Variants in PABPC4 observed in about 807,000 individuals in gnomAD.
PABPC4 encodes poly(A) binding protein cytoplasmic 4, also known as polyadenylate-binding protein 4.
A neutral mutation model predicts 74.5 loss-of-function variants in PABPC4; 15 were observed. That is an observed-to-expected ratio of 0.20 (90% CI 0.13 to 0.31). PABPC4 has a LOEUF of 0.31. PABPC4 is among the 10% of genes least tolerant of loss of function. The pLI, the probability that PABPC4 is intolerant of heterozygous loss-of-function variation, is 1.00. For missense variants in PABPC4, 610 were observed against 853.5 expected (o/e 0.71, Z 3.55); for synonymous variants, 345 against 303.0 (o/e 1.14, Z -1.44).
chr1:39,561,991 T>A (rs528277446), intron 14 of PABPC4, 82 bp downstream of exon 14: 1 of 1,514,528 alleles, frequency 6.6e-7, no homozygotes. Flanking sequence ...GATCCCACTT[T>A]CTGCTGCACC....
chr1:39,574,586 T>C (rs1645989853), intron 1 of PABPC4, among the ~76,000 whole-genome samples: 1 of 152,216 alleles, frequency 6.6e-6, no homozygotes, highest in Non-Finnish European at 1.5e-5. Flanking sequence ...CCTATGGCCA[T>C]GGACAGAACT....
In PABPC4 at chr1:39,563,605, G is replaced by C. The variant is rs778856274; in HGVS notation, c.1668+9C>G. 1 of 1,609,856 alleles carries C rather than the reference G, an allele frequency of 6.2e-7. No individual in the cohort carries two copies. The highest frequency in any genetic ancestry group is 1.7e-5 in the Admixed American group (1 of 59,150). ...AATCCTTTTAAGCATTCTGTCTGGT[G>C]AACCTCACCTGCAGAGGCTGTATGG... On this transcript the variant is annotated intron_variant, in intron 12 of 15. Transcript: ENST00000372858.
intron 10 of PABPC4, chr1:39,564,144 A>G (rs1368076179): frequency 1.6e-6 from 1 of 613,302 alleles, no homozygotes; most frequent in Non-Finnish European, 2.8e-6. Flanking sequence ...CACCCCACCC[A>G]AAAGAACAAG....
Position 39,565,169 on chromosome 1 carries a change from G to A in PABPC4, c.1182C>T (p.Ala394=). Residue 394 remains alanine (A), a synonymous_variant, in exon 8 of 16, where the codon GCC becomes GCT. Coordinates refer to ENST00000372858, the MANE Select transcript of PABPC4 (RefSeq NM_001135653.2). ...GCTGGAACTGATTTAAGATGGCATTGGCAGGAAGTGCTCTCATTCCAGCCA... is the reference window on the plus strand; with the variant it reads ...GCTGGAACTGATTTAAGATGGCATTAGCAGGAAGTGCTCTCATTCCAGCCA... ...QRVAGMRALP[A]NAILNQFQPA... 1 of 1,614,146 alleles carries A rather than the reference G, an allele frequency of 6.2e-7. No homozygotes were observed. Among genetic ancestry groups the A allele is most frequent in the Non-Finnish European group, 8.5e-7 (1 of 1,180,022 alleles).
In PABPC4 at chr1:39,565,220, G is replaced by A. The variant is rs753720467; in HGVS notation, c.1131C>T (p.His377=). 6.2e-7 allele frequency: 1 copy of A among 1,614,232 alleles called. No homozygotes were observed. The highest frequency in any genetic ancestry group is 8.5e-7 in the Non-Finnish European group (1 of 1,180,048). ...CTCGTTGCATATACTGGTTGGTCAG[G>A]TGAGCCTTTCTCTCTTCCTTCCTCT... ...LAQRKEERKA[H]LTNQYMQRVA... Residue 377 remains histidine, a synonymous_variant, in exon 8 of 16, where the codon CAC becomes CAT. Transcript: ENST00000372858.
At chr1:39,568,585 G>A (rs542691473) in intron 6 of PABPC4, 2 of 455,278 alleles carry the variant, frequency 4.4e-6, no homozygotes, top group Admixed American at 8.1e-5. Context: ...TTCCAAAATA[G>A]AGAGCTTCTT....
intron 5 of PABPC4, 197 bp downstream of exon 5, chr1:39,569,398 G>A (rs1212127729): frequency 1.7e-6 from 1 of 595,064 alleles, no homozygotes. Flanking sequence ...GAGGTGACAG[G>A]TATGTGCCAA....
chr1:39,570,312 T>C (rs1032036313), intron 3 of PABPC4, among the ~76,000 whole-genome samples: 2 of 152,354 alleles, frequency 1.3e-5, no homozygotes, highest in South Asian at 2.1e-4. Context: ...TGTAAATGCA[T>C]AGAAAAGGTC....
chr1:39,562,664 A>G, intron 12 of PABPC4: 2 of 434,750 alleles, frequency 4.6e-6, no homozygotes, highest in East Asian at 7.0e-5. Context: ...AGTGAAACGT[A>G]AATAATAAAA....
chr1:39,562,306 G>C lies in PABPC4; in HGVS notation c.1762+17C>G, dbSNP rs1645778162. 6.2e-7 allele frequency: 1 copy of C among 1,611,894 alleles called. No homozygotes were observed. Among genetic ancestry groups the C allele is most frequent in the African/African-American group, 1.3e-5 (1 of 74,912 alleles). ...GCTCTGGGACCCTCTTCTTCTGCAA[G>C]CAAGTGGGTCACTCACCCAGCATCT... On this transcript the variant is annotated intron_variant, in intron 13 of 15. Coordinates refer to ENST00000372858, the MANE Select transcript of PABPC4 (RefSeq NM_001135653.2).
chr1:39,575,338 G>A (rs1380664660), intron 1 of PABPC4, among the ~76,000 whole-genome samples: 2 of 152,202 alleles, frequency 1.3e-5, no homozygotes, highest in Non-Finnish European at 2.9e-5. Flanking sequence ...GAGCGGGCAG[G>A]AGCTTTACAA....
At chr1:39,567,935 A>T (rs1022973726) in intron 6 of PABPC4, 89 bp from the exon 7 acceptor site, 1 of 702,362 alleles carries the variant, frequency 1.4e-6, no homozygotes, top group Non-Finnish European at 2.5e-6. Context: ...CCAGACCAGG[A>T]GCACCAGCAT....
At position 39,569,608 on chromosome 1, in the gene PABPC4, T is replaced by C. The variant is rs1480408720; in HGVS notation, c.725A>G (p.Glu242Gly). Residue 242 changes from glutamate to glycine, a missense_variant, in exon 5 of 16, where the codon GAG becomes GGG. Glu to Gly is a moderately conservative substitution (Grantham distance 98). Transcript: ENST00000372858. ...GFGFVSYEKHEDANKAVEEMN... is the reference protein window; with the variant it reads ...GFGFVSYEKHGDANKAVEEMN... ...TGGTATACTCACCTTATTGGCATCC[T>C]CGTGTTTTTCGTAACTCACAAAGCC... The C allele has an allele frequency of 1.2e-6, 2 of 1,613,704 alleles. No individual in the cohort carries two copies. The highest frequency in any genetic ancestry group is 4.5e-5 in the East Asian group (2 of 44,888).
At chr1:39,572,716 A>G (rs115060514) in intron 1 of PABPC4, 130 bp from the exon 2 acceptor site, 69 of 635,438 alleles carry the variant, frequency 1.1e-4, no homozygotes, top group Non-Finnish European at 1.6e-4. Context: ...TATTAAAATA[A>G]AAGGGCATCA....
intron 15 of PABPC4, 132 bp downstream of exon 15, chr1:39,561,553 G>A (rs1212488605): frequency 4.6e-6 from 3 of 657,294 alleles, no homozygotes; most frequent in Middle Eastern, 4.2e-4. Context: ...AACACACTCC[G>A]TGTAACTAAC....
chr1:39,568,299 A>G (rs1409702750), intron 6 of PABPC4: 1 of 159,454 alleles, frequency 6.3e-6, no homozygotes, highest in Non-Finnish European at 1.4e-5. Flanking sequence ...CTTAGGCCAG[A>G]CCCCAAACCC....
chr1:39,570,035 C>G, intron 3 of PABPC4, 33 bp from the exon 4 acceptor site: 1 of 1,605,480 alleles, frequency 6.2e-7, no homozygotes, highest in Non-Finnish European at 8.5e-7. Flanking sequence ...AGTAATTACC[C>G]AGAGGAATAA....
At chr1:39,562,251 A>G in intron 13 of PABPC4, 48 bp from the exon 14 acceptor site, 1 of 1,612,838 alleles carries the variant, frequency 6.2e-7, no homozygotes, top group Non-Finnish European at 8.5e-7. Context: ...CCCAGTAAAC[A>G]ATGGACACTG....
chr1:39,569,823 T>G (rs372981257), intron 4 of PABPC4, 40 bp downstream of exon 4: 9 of 1,610,762 alleles, frequency 5.6e-6, no homozygotes, highest in Non-Finnish European at 7.6e-6. Flanking sequence ...AACAGATGGG[T>G]CTGGTAGACT....
Sources: gnomAD v4.1 joint callset for allele counts (sites outside exome capture counted in the v4.1 genomes callset) on GRCh38, gnomAD v4.1.1 for gene constraint, MANE v1.5 for transcripts, NCBI Gene and HGNC (gene_info 2026-07-23, HGNC 2026-07-21) for gene names.